The following UBE2L6 variants were observed in gnomAD, a reference collection of about 807,000 sequenced individuals.
The protein encoded by UBE2L6 is ubiquitin conjugating enzyme E2 L6, also known as ubiquitin/ISG15-conjugating enzyme E2 L6.
Under a neutral mutation model 13.6 loss-of-function variants are expected in UBE2L6, and 11 were observed. The ratio of observed to expected loss-of-function variants is 0.81; its 90% CI spans 0.51 to 1.34. The LOEUF (loss-of-function observed/expected upper bound fraction) is 1.34. UBE2L6 is among the 40% of genes most tolerant of loss of function. UBE2L6 has a pLI of 0.00. For synonymous variants in UBE2L6, 74 were observed against 83.2 expected (o/e 0.89, Z 0.60); for missense variants, 197 against 199.5 (o/e 0.99, Z 0.07).
intron 2 of UBE2L6, among the ~76,000 whole-genome samples, chr11:57,556,592 CAAAAAAAA>C (rs368936864): frequency 0.16 from 11,468 of 73,860 alleles, 584 homozygotes; most frequent in Middle Eastern, 0.38. Context: ...AACTCCGTCT[CAAAAAAAA>C]AAAAAAAAAA....
At chr11:57,553,701 C>T (rs1459218877) in intron 3 of UBE2L6, among the ~76,000 whole-genome samples, 4 of 152,052 alleles carry the variant, frequency 2.6e-5, no homozygotes, top group Non-Finnish European at 5.9e-5. Flanking sequence ...TGTCATACGC[C>T]TGTAATTCCA....
chr11:57,567,891 T>A (rs1159042767), upstream of UBE2L6: 1 of 391,416 alleles, frequency 2.6e-6, no homozygotes, highest in Non-Finnish European at 4.5e-6. Flanking sequence ...GGCGCACGGC[T>A]TTGCTGATCC....
chr11:57,567,510 G>A, intron 1 of UBE2L6, 75 bp downstream of exon 1: 1 of 1,571,244 alleles, frequency 6.4e-7, no homozygotes, highest in Non-Finnish European at 8.7e-7. Flanking sequence ...GGAGAGCCGC[G>A]GAGGGGATGG....
chr11:57,552,322 G>C lies in UBE2L6; in HGVS notation c.*36C>G. On this transcript the variant is annotated 3_prime_UTR_variant, in exon 4 of 4. Transcript: ENST00000287156. ...TCCATGAGGTGTGTCCGTCCGCTAT[G>C]CCGAGGATCCAGTGCACAGAGGGTC... The C allele has an allele frequency of 6.2e-7, 1 of 1,612,024 alleles. No homozygotes were observed. Among genetic ancestry groups the C allele is most frequent in the Non-Finnish European group, 8.5e-7 (1 of 1,178,504 alleles).
chr11:57,561,999 G>A (rs755817140), intron 1 of UBE2L6, among the ~76,000 whole-genome samples: 65 of 152,346 alleles, frequency 4.3e-4, no homozygotes, highest in Non-Finnish European at 8.4e-4. Flanking sequence ...ACATTGTTCC[G>A]TTGTCATAAA....
Position 57,554,592 on chromosome 11 carries a change from T to A in UBE2L6, c.155A>T (p.Asn52Ile). The A allele has an allele frequency of 6.2e-7, 1 of 1,614,096 alleles. No homozygotes were observed. The highest frequency in any genetic ancestry group is 8.5e-7 in the Non-Finnish European group (1 of 1,180,002). ...DQPPYHLKAFNLRISFPPEYP... is the reference protein window; with the variant it reads ...DQPPYHLKAFILRISFPPEYP... The stretch of plus-strand genomic sequence containing the variant: ...CTCCGGCGGGAAGCTGATGCGCAGG[T>A]TGAAGGCTTTCAGGTGGTAGGGAGG... The change falls in exon 3 of 4, where the codon AAC becomes ATC. Residue 52 changes from asparagine (N) to isoleucine (I), a missense_variant. Asn to Ile is a moderately radical substitution (Grantham distance 149). Coordinates refer to ENST00000287156, the MANE Select transcript of UBE2L6 (RefSeq NM_004223.5).
intron 1 of UBE2L6, 139 bp downstream of exon 1, chr11:57,567,446 G>T: frequency 1.6e-6 from 2 of 1,230,352 alleles, no homozygotes; most frequent in Non-Finnish European, 1.2e-6. Flanking sequence ...TAGAGGGCGG[G>T]GAGGACAGGG....
chr11:57,553,177 C>T (rs1255247981), intron 3 of UBE2L6, among the ~76,000 whole-genome samples: 1 of 152,240 alleles, frequency 6.6e-6, no homozygotes, highest in Non-Finnish European at 1.5e-5. Flanking sequence ...CCATTAGCCA[C>T]ATGCAGGCAT....
chr11:57,554,523 T>G lies in UBE2L6; in HGVS notation c.224A>C (p.Tyr75Ser), dbSNP rs910185205. 2 of 1,613,534 alleles carry G rather than the reference T, an allele frequency of 1.2e-6. No homozygotes were observed. Among genetic ancestry groups the G allele is most frequent in the Admixed American group, 3.3e-5 (2 of 59,958 alleles). ...TCCGTTCTCGTCCACGTTGGGGTGG[T>G]AGATCTTGGTTGTGAATTTGATCAT... Reference protein sequence around the residue: ...PPMIKFTTKIYHPNVDENGQI... With the variant: ...PPMIKFTTKISHPNVDENGQI... The change falls in exon 3 of 4, where the codon TAC (tyrosine) becomes TCC (serine). Residue 75 changes from tyrosine to serine, a missense_variant. Transcript: ENST00000287156.
intron 1 of UBE2L6, chr11:57,566,943 G>GGC: frequency 4.0e-5 from 3 of 75,878 alleles, no homozygotes; most frequent in East Asian, 5.9e-4. Flanking sequence ...GTTCATCTCT[G>GGC]CCCGCCCCCC....
At chr11:57,554,005 A>G (rs1369907315) in intron 3 of UBE2L6, among the ~76,000 whole-genome samples, 1 of 152,150 alleles carries the variant, frequency 6.6e-6, no homozygotes, top group Non-Finnish European at 1.5e-5. Flanking sequence ...AATAAAAATG[A>G]AGTCGGCAGG....
intron 1 of UBE2L6, among the ~76,000 whole-genome samples, chr11:57,565,376 T>G (rs1294693516): frequency 7.2e-6 from 1 of 139,126 alleles, no homozygotes; most frequent in Non-Finnish European, 1.6e-5. Context: ...TTTTTTTTTT[T>G]TTTTTTGAGA....
chr11:57,566,742 C>A (rs1229076404), intron 1 of UBE2L6, among the ~76,000 whole-genome samples: 1 of 152,150 alleles, frequency 6.6e-6, no homozygotes, highest in African/African-American at 2.4e-5. Context: ...ACCCTGCAGA[C>A]TGGAAGGGGC....
rs1944964398 is a variant in UBE2L6, at chr11:57,552,278, C to G, written c.*80G>C. The G allele has an allele frequency of 6.4e-7, 1 of 1,554,962 alleles. No individual in the cohort carries two copies. Among genetic ancestry groups the G allele is most frequent in the Admixed American group, 1.8e-5 (1 of 56,228 alleles). ...GGAAAAATGAATGGGGAATGGGCCACAGGGGGCTCTGGCCTCAGTCCATGA... is the reference window on the plus strand; with the variant it reads ...GGAAAAATGAATGGGGAATGGGCCAGAGGGGGCTCTGGCCTCAGTCCATGA... On this transcript the variant is annotated 3_prime_UTR_variant, in exon 4 of 4. Transcript: ENST00000287156.
intron 1 of UBE2L6, 58 bp from the exon 2 acceptor site, chr11:57,560,490 C>T (rs1945032399): frequency 7.5e-7 from 1 of 1,326,934 alleles, no homozygotes; most frequent in African/African-American, 1.4e-5. Flanking sequence ...TCAGCCCCCT[C>T]CCCCTGCCCC....
chr11:57,564,310 T>A (rs1193349556), intron 1 of UBE2L6, among the ~76,000 whole-genome samples: 1 of 152,130 alleles, frequency 6.6e-6, no homozygotes, highest in African/African-American at 2.4e-5. Context: ...CATATTTAAA[T>A]GAAATACGGC....
At chr11:57,561,790 C>T (rs1418696358) in intron 1 of UBE2L6, among the ~76,000 whole-genome samples, 1 of 152,164 alleles carries the variant, frequency 6.6e-6, no homozygotes, top group African/African-American at 2.4e-5. Flanking sequence ...GCATGCAGTA[C>T]TTCTCAAATG....
intron 2 of UBE2L6, among the ~76,000 whole-genome samples, chr11:57,558,118 A>T (rs1479791394): frequency 1.3e-5 from 2 of 152,060 alleles, no homozygotes; most frequent in African/African-American, 4.8e-5. Context: ...TGCTCTTGTC[A>T]TCCAGGCTGG....
rs1482858936 is a variant in UBE2L6, at chr11:57,552,337, C to G, written c.*21G>C. 7.4e-6 allele frequency: 12 copies of G among 1,613,678 alleles called. No individual in the cohort carries two copies. Among genetic ancestry groups the G allele is most frequent in the Non-Finnish European group, 1.0e-5 (12 of 1,179,732 alleles). ...CGTCCGCTATGCCGAGGATCCAGTG[C>G]ACAGAGGGTCAGAACATGAGTTAGG... On this transcript the variant is annotated 3_prime_UTR_variant, in exon 4 of 4. Coordinates refer to ENST00000287156, the MANE Select transcript of UBE2L6 (RefSeq NM_004223.5).
Sources: gnomAD v4.1 joint callset for allele counts (sites outside exome capture counted in the v4.1 genomes callset) on GRCh38, gnomAD v4.1.1 for gene constraint, MANE v1.5 for transcripts, NCBI Gene and HGNC (gene_info 2026-07-23, HGNC 2026-07-21) for gene names.